The following YTHDC1 variants were observed in gnomAD, a reference collection of about 807,000 sequenced individuals.
The protein encoded by YTHDC1 is YTH domain-containing protein 1.
In YTHDC1, 12 loss-of-function variants were observed where a neutral mutation model predicts 107.0. That is an observed-to-expected ratio of 0.11 (90% CI 0.07 to 0.18). The LOEUF (loss-of-function observed/expected upper bound fraction) is 0.18, where lower values mean the gene tolerates loss of function less well. Among genes scored for constraint, YTHDC1 ranks in the 10% least tolerant of loss-of-function variants. The pLI is 1.00. For synonymous variants in YTHDC1, 280 were observed against 289.5 expected (o/e 0.97, Z 0.33); for missense variants, 635 against 898.8 (o/e 0.71, Z 3.75).
chr4:68,343,543 A>AAATT (rs35282008), intron 1 of YTHDC1, among the ~76,000 whole-genome samples: 5 of 107,352 alleles, frequency 4.7e-5, no homozygotes, highest in Non-Finnish European at 5.3e-5. Flanking sequence ...AAAAAAAAAA[A>AAATT]TTTTTTTTTT....
At chr4:68,344,626 T>A (rs1725217121) in intron 1 of YTHDC1, among the ~76,000 whole-genome samples, 1 of 152,154 alleles carries the variant, frequency 6.6e-6, no homozygotes. Context: ...GATTCCTCCG[T>A]GAAAGTATAA....
At chr4:68,335,216 TTTTA>T (rs1391301057) in intron 4 of YTHDC1, among the ~76,000 whole-genome samples, 2 of 152,154 alleles carry the variant, frequency 1.3e-5, no homozygotes, top group Non-Finnish European at 2.9e-5. Context: ...CTGTGATCAC[TTTTA>T]TTTAAAAACT....
rs373744979 is a variant in YTHDC1 at position 68,337,497 on chromosome 4, G to T, written c.460-47C>A. On this transcript the variant is annotated intron_variant, in intron 3 of 16. Transcript: ENST00000344157. Reference sequence around the variant, plus strand: ...AATCAGCAGTCATATAAAAGACAAGGTCAGGGTGAATAAACAGTTCTAAAG... The same window carrying T: ...AATCAGCAGTCATATAAAAGACAAGTTCAGGGTGAATAAACAGTTCTAAAG... 3.3e-4 allele frequency: 533 copies of T among 1,601,950 alleles called. 2 individuals carry two copies. Among genetic ancestry groups the T allele is most frequent in the Non-Finnish European group, 4.4e-4 (522 of 1,174,664 alleles).
At position 68,310,712 on chromosome 4, in the gene YTHDC1, C is replaced by G. The variant is rs1721243129; in HGVS notation, c.*3387G>C. On this transcript the variant is annotated 3_prime_UTR_variant, in exon 17 of 17. Coordinates refer to ENST00000344157, the MANE Select transcript of YTHDC1 (RefSeq NM_001031732.4). ...AAATAACAAAATCTTAAACATGAAG[C>G]TAAAATTATCCATGTGTGTCACAGT... The G allele has an allele frequency of 6.6e-6, 1 of 152,114 alleles. No individual in the cohort carries two copies. Among genetic ancestry groups the G allele is most frequent in the African/African-American group, 2.4e-5 (1 of 41,412 alleles). The allele number at this position is 152,114 out of a possible 1,614,324, so 9.4% of individuals were successfully genotyped here.
At chr4:68,343,711 T>G (rs1382100069) in intron 1 of YTHDC1, among the ~76,000 whole-genome samples, 1 of 151,874 alleles carries the variant, frequency 6.6e-6, no homozygotes, top group Non-Finnish European at 1.5e-5. Context: ...TAAATTTTTA[T>G]ATTTTTAGTA....
chr4:68,327,123 C>A (rs1198753612), intron 9 of YTHDC1, among the ~76,000 whole-genome samples: 1 of 151,810 alleles, frequency 6.6e-6, no homozygotes, highest in African/African-American at 2.4e-5. Flanking sequence ...GTAATCCCAG[C>A]TACTAGGGAG....
At chr4:68,347,947 G>GATAAAGCAC (rs1158299326) in intron 1 of YTHDC1, among the ~76,000 whole-genome samples, 1 of 152,076 alleles carries the variant, frequency 6.6e-6, no homozygotes, top group Non-Finnish European at 1.5e-5. Flanking sequence ...AAACTATAAA[G>GATAAAGCAC]ATAAAGCACT....
rs1182224600 is a variant in YTHDC1 at position 68,313,999 on chromosome 4, A to AG, written c.*99dup. 1 of 1,196,340 alleles carries AG rather than the reference A, an allele frequency of 8.4e-7. No homozygotes were observed. The highest frequency in any genetic ancestry group is 1.2e-6 in the Non-Finnish European group (1 of 833,148). The allele number at this position is 1,196,340 out of a possible 1,614,324, so 74.1% of individuals were successfully genotyped here. ...AATCCTTCTACACAATGAACTTCAT[A>AG]GGCAGACAGCTGAAAATAAATTTAC... is the stretch of plus-strand genomic sequence containing the variant. On this transcript the variant is annotated 3_prime_UTR_variant, in exon 17 of 17. Coordinates refer to ENST00000344157, the MANE Select transcript of YTHDC1 (RefSeq NM_001031732.4).
intron 4 of YTHDC1, among the ~76,000 whole-genome samples, chr4:68,335,032 CTT>C (rs1184559762): frequency 2.0e-5 from 3 of 152,100 alleles, no homozygotes; most frequent in African/African-American, 7.2e-5. Flanking sequence ...TCCCAATGCT[CTT>C]AAGTTTATGG....
chr4:68,311,594 T>C lies in YTHDC1; in HGVS notation c.*2505A>G, dbSNP rs1721307609. 2 of 152,196 alleles carry C rather than the reference T, an allele frequency of 1.3e-5. No homozygotes were observed. Among genetic ancestry groups the C allele is most frequent in the Admixed American group, 1.3e-4 (2 of 15,288 alleles). The allele number at this position is 152,196 out of a possible 1,614,324, so 9.4% of individuals were successfully genotyped here. ...ACTGATTTTTATATACTGACTCTTCTGTACAGAAAAAAATCTTGCATTTTT... is the reference window on the plus strand; with the variant it reads ...ACTGATTTTTATATACTGACTCTTCCGTACAGAAAAAAATCTTGCATTTTT... On this transcript the variant is annotated 3_prime_UTR_variant, in exon 17 of 17. Coordinates refer to ENST00000344157, the MANE Select transcript of YTHDC1 (RefSeq NM_001031732.4).
At position 68,312,913 on chromosome 4, in the gene YTHDC1, T is replaced by G. The variant is rs1452658671; in HGVS notation, c.*1186A>C. Reference sequence around the variant, plus strand: ...GCTCTATTTCTATGTTATAGTTGGTTACCACTGGGAGAACTGGACAGTTAA... The same window carrying G: ...GCTCTATTTCTATGTTATAGTTGGTGACCACTGGGAGAACTGGACAGTTAA... On this transcript the variant is annotated 3_prime_UTR_variant, in exon 17 of 17. Transcript: ENST00000344157. 3 of 152,216 alleles carry G rather than the reference T, an allele frequency of 2.0e-5. No individual in the cohort carries two copies. The highest frequency in any genetic ancestry group is 4.4e-5 in the Non-Finnish European group (3 of 68,036). 9.4% of individuals were successfully genotyped at this position (152,216 alleles called of 1,614,324 possible). A position where few individuals can be genotyped will look rare whatever the true frequency, so the allele number is the denominator to read the frequency against.
intron 15 of YTHDC1, 66 bp downstream of exon 15, chr4:68,318,453 T>C (rs1459606626): frequency 1.4e-6 from 2 of 1,435,502 alleles, no homozygotes; most frequent in African/African-American, 1.4e-5. Context: ...ATATTCCGAG[T>C]AAGCACCTGA....
chr4:68,328,867 T>C (rs1191313361), intron 9 of YTHDC1, among the ~76,000 whole-genome samples: 2 of 152,208 alleles, frequency 1.3e-5, no homozygotes, highest in African/African-American at 4.8e-5. Flanking sequence ...AGCCTACAAA[T>C]CTGCACAGCA....
chr4:68,335,300 T>A (rs758772738), intron 4 of YTHDC1, among the ~76,000 whole-genome samples: 18 of 152,102 alleles, frequency 1.2e-4, no homozygotes, highest in Admixed American at 7.2e-4. Context: ...TAAAAAAAAA[T>A]TTCCTGCATA....
chr4:68,314,175 C>A lies in YTHDC1; in HGVS notation c.2108G>T (p.Arg703Leu). ...NRRDRERDRG[R>L]DRERERERLC... ...TCGCTCTCTTTCTCTTTCTCTATCA[C>A]GTCCTCTATCTCGCTCTCTGTCTCG... Residue 703 changes from arginine (R) to leucine (L), a missense_variant, in exon 17 of 17, where the codon CGT (arginine) becomes CTT (leucine). Around this residue, in one of 5 missense-constraint regions of YTHDC1, gnomAD observed 256 missense variants for 372.9 expected, o/e 0.69. Coordinates refer to ENST00000344157, the MANE Select transcript of YTHDC1 (RefSeq NM_001031732.4). 6.2e-7 allele frequency: 1 copy of A among 1,613,690 alleles called. No homozygotes were observed. The highest frequency in any genetic ancestry group is 8.5e-7 in the Non-Finnish European group (1 of 1,179,812).
In YTHDC1 at chr4:68,311,451, C is replaced by G. The variant is rs1004329400; in HGVS notation, c.*2648G>C. On this transcript the variant is annotated 3_prime_UTR_variant, in exon 17 of 17. Transcript: ENST00000344157. ...AATGACTGAATTTTCTGTTTTTCAT[C>G]TGAACACATCATACTAATGTAGATT... The G allele has an allele frequency of 6.6e-6, 1 of 152,202 alleles. No individual in the cohort carries two copies. Among genetic ancestry groups the G allele is most frequent in the Non-Finnish European group, 1.5e-5 (1 of 68,034 alleles). 9.4% of individuals were successfully genotyped at this position (152,202 alleles called of 1,614,324 possible).
At chr4:68,315,013 C>G (rs1335601078) in intron 16 of YTHDC1, among the ~76,000 whole-genome samples, 4 of 152,070 alleles carry the variant, frequency 2.6e-5, no homozygotes, top group Admixed American at 1.3e-4. Context: ...AATATGTATA[C>G]TAACCAAAAA....
intron 9 of YTHDC1, among the ~76,000 whole-genome samples, chr4:68,326,749 TC>T (rs1400567450): frequency 1.3e-5 from 2 of 151,388 alleles, no homozygotes; most frequent in Non-Finnish European, 2.9e-5. Flanking sequence ...CGCCACCACA[TC>T]TGGCTAATTT....
At chr4:68,346,487 G>T (rs1725457128) in intron 1 of YTHDC1, among the ~76,000 whole-genome samples, 1 of 152,150 alleles carries the variant, frequency 6.6e-6, no homozygotes, top group South Asian at 2.1e-4. Flanking sequence ...ACTGTCCAAA[G>T]ATATAAAAAT....
Sources: allele counts gnomAD v4.1 joint callset (sites outside exome capture counted in the v4.1 genomes callset), GRCh38; gene constraint gnomAD v4.1.1; regional missense constraint gnomAD v4.1.1; transcripts MANE v1.5; gene names NCBI Gene and HGNC (gene_info 2026-07-23, HGNC 2026-07-21).